The following NDUFS5 variants were observed in gnomAD, a reference collection of about 807,000 sequenced individuals.
NDUFS5 encodes NADH:ubiquinone oxidoreductase subunit S5, also known as NADH dehydrogenase [ubiquinone] iron-sulfur protein 5.
NDUFS5 carries 7 observed loss-of-function variants against 10.5 expected under a neutral mutation model. That is an observed-to-expected ratio of 0.66 (90% CI 0.38 to 1.25). The LOEUF is 1.25. Ranked by LOEUF, NDUFS5 falls within the 50% of genes most tolerant of loss-of-function variation. NDUFS5 has a pLI of 0.02. For missense variants in NDUFS5, 148 were observed against 140.7 expected, an observed-to-expected ratio of 1.05 and a Z score of -0.26; for synonymous variants, 38 against 44.0, an observed-to-expected ratio of 0.86 and a Z score of 0.54.
At chr1:39,026,586 C>T (rs72940832) in intron 1 of NDUFS5, among the ~76,000 whole-genome samples, 184 bp downstream of exon 1, 2,708 of 152,296 alleles carry the variant, frequency 0.018, 78 homozygotes, top group African/African-American at 0.062. Flanking sequence ...TGGAGATTGC[C>T]GCTCTCTCCA....
intron 2 of NDUFS5, among the ~76,000 whole-genome samples, chr1:39,030,954 A>AT (rs1425423446): frequency 1.3e-5 from 2 of 151,688 alleles, no homozygotes; most frequent in South Asian, 4.2e-4. Context: ...CTCACTGCAG[A>AT]TTCAACTTGG....
rs1644215799 is a variant in NDUFS5 at position 39,034,536 on chromosome 1, T to G, written c.*40T>G. ...GATGTCTGGAGGCTGATTTTCCTGT[T>G]CTCTGTTCTCCACTGGAAAGGTTGT... is the stretch of plus-strand genomic sequence containing the variant. On this transcript the variant is annotated 3_prime_UTR_variant, in exon 3 of 3. Coordinates refer to ENST00000372969, the MANE Select transcript of NDUFS5 (RefSeq NM_004552.3). 2.6e-6 allele frequency: 4 copies of G among 1,558,764 alleles called. No homozygotes were observed. The Admixed American group carries it at 5.0e-5, about 20-fold the overall frequency.
chr1:39,032,155 C>A (rs558974694), intron 2 of NDUFS5, among the ~76,000 whole-genome samples: 2 of 152,090 alleles, frequency 1.3e-5, no homozygotes, highest in African/African-American at 4.8e-5. Context: ...AAGAGTGAAA[C>A]TCTGTGTCAA....
In NDUFS5 at chr1:39,028,954, G is replaced by A. The variant is rs1557651530; in HGVS notation, c.216+14G>A. 1 of 1,609,544 alleles carries A rather than the reference G, an allele frequency of 6.2e-7. No homozygotes were observed. The highest frequency in any genetic ancestry group is 1.3e-5 in the African/African-American group (1 of 74,874). ...CGGCAGAAAACGGTAAGGAAATGAT[G>A]GAGGTGGAAGCTGAATTACTTTCTT... On this transcript the variant is annotated intron_variant, in intron 2 of 2. Transcript: ENST00000372969.
At chr1:39,031,640 C>T (rs931823401) in intron 2 of NDUFS5, among the ~76,000 whole-genome samples, 4 of 152,096 alleles carry the variant, frequency 2.6e-5, no homozygotes, top group African/African-American at 7.2e-5. Context: ...GAGCAAGTCA[C>T]TTTCTCTTAG....
At chr1:39,034,248 A>G in intron 2 of NDUFS5, 144 bp from the exon 3 acceptor site, 1 of 680,452 alleles carries the variant, frequency 1.5e-6, no homozygotes, top group Non-Finnish European at 2.6e-6. Flanking sequence ...TTAATTCTTT[A>G]AAGGCGGACT....
chr1:39,026,408 G>T lies in NDUFS5; in HGVS notation c.-3+6G>T, dbSNP rs1122472. 0.7 allele frequency: 106,585 copies of T among 151,968 alleles called. 39,548 individuals are homozygous for T. The highest frequency in any genetic ancestry group is 0.85 in the Non-Finnish European group (57,756 of 68,028). 9.4% of individuals were successfully genotyped at this position (151,968 alleles called of 1,614,324 possible). On this transcript the variant is annotated splice_donor_region_variant and intron_variant, in intron 1 of 2. Coordinates refer to ENST00000372969, the MANE Select transcript of NDUFS5 (RefSeq NM_004552.3). The stretch of plus-strand genomic sequence containing the variant: ...AGGGCACGAGCATCGGGTAGGTAGG[G>T]GCTGCTTATGTCCGCGCGGCAGCTT...
intron 2 of NDUFS5, among the ~76,000 whole-genome samples, chr1:39,033,099 G>C (rs564720348): frequency 1.8e-4 from 28 of 152,270 alleles, no homozygotes; most frequent in African/African-American, 6.7e-4. Context: ...GTTTTGATTT[G>C]TTGAGAAGCA....
At position 39,028,750 on chromosome 1, in the gene NDUFS5, G is replaced by T. The variant is rs1194637289; in HGVS notation, c.26G>T (p.Arg9Met). The change falls in exon 2 of 3, where the codon AGG becomes ATG. Residue 9 changes from arginine to methionine, a missense_variant. Coordinates refer to ENST00000372969, the MANE Select transcript of NDUFS5 (RefSeq NM_004552.3). Reference protein sequence around the residue: MPFLDIQKRFGLNIDRWLT... With the variant: MPFLDIQKMFGLNIDRWLT... ...ATGCCTTTCTTGGACATCCAGAAAA[G>T]GTTCGGCCTTAACATAGATCGATGG... 2.5e-6 allele frequency: 4 copies of T among 1,613,876 alleles called. No individual in the cohort carries two copies. The highest frequency in any genetic ancestry group is 1.3e-5 in the African/African-American group (1 of 74,888).
At chr1:39,029,429 T>C (rs1644175344) in intron 2 of NDUFS5, among the ~76,000 whole-genome samples, 1 of 152,210 alleles carries the variant, frequency 6.6e-6, no homozygotes, top group Admixed American at 6.6e-5. Context: ...CCTTCAGATA[T>C]GAGGATGGTC....
At chr1:39,027,581 G>GTTTTGTTTTTTTTTTTTTT (rs1644158684) in intron 1 of NDUFS5, among the ~76,000 whole-genome samples, 1 of 91,134 alleles carries the variant, frequency 1.1e-5, no homozygotes, top group Non-Finnish European at 2.2e-5. Context: ...TTTCGCTCTG[G>GTTTTGTTTTTTTTTTTTTT]TTTTTTTTTT....
chr1:39,031,033 C>A (rs1644187487), intron 2 of NDUFS5, among the ~76,000 whole-genome samples: 1 of 152,128 alleles, frequency 6.6e-6, no homozygotes, highest in Middle Eastern at 3.4e-3. Context: ...CCACGCCCAG[C>A]TAATTTTTTG....
intron 1 of NDUFS5, among the ~76,000 whole-genome samples, chr1:39,027,787 G>T (rs1644161531): frequency 7.9e-6 from 1 of 126,248 alleles, no homozygotes; most frequent in Non-Finnish European, 1.7e-5. Context: ...CTGACCAAAG[G>T]ATCCAAATTC....
At chr1:39,028,657 A>G in intron 1 of NDUFS5, 66 bp from the exon 2 acceptor site, 1 of 1,428,336 alleles carries the variant, frequency 7.0e-7, no homozygotes, top group South Asian at 1.2e-5. Flanking sequence ...TTTTCTTAGA[A>G]ATTTCTCAGT....
At chr1:39,031,105 G>T (rs184808157) in intron 2 of NDUFS5, among the ~76,000 whole-genome samples, 13 of 152,116 alleles carry the variant, frequency 8.5e-5, no homozygotes, top group African/African-American at 3.1e-4. Context: ...CCTGAGCTCA[G>T]GTGATCTGCC....
At chr1:39,027,458 T>C (rs897905175) in intron 1 of NDUFS5, among the ~76,000 whole-genome samples, 8 of 152,126 alleles carry the variant, frequency 5.3e-5, no homozygotes, top group Non-Finnish European at 8.8e-5. Flanking sequence ...TTTTAGGCAG[T>C]CAGGGTTTGT....
intron 2 of NDUFS5, among the ~76,000 whole-genome samples, chr1:39,030,103 CA>C (rs1042060681): frequency 3.4e-5 from 5 of 145,152 alleles, no homozygotes; most frequent in African/African-American, 1.3e-4. Context: ...AAAAAAAAAC[CA>C]AAAAAACAAA....
intron 2 of NDUFS5, 61 bp from the exon 3 acceptor site, chr1:39,034,331 C>A: frequency 6.6e-7 from 1 of 1,522,472 alleles, no homozygotes; most frequent in South Asian, 1.1e-5. Context: ...TCTGTTTTTC[C>A]AGTTCTCACT....
At chr1:39,031,969 C>G (rs1342675799) in intron 2 of NDUFS5, among the ~76,000 whole-genome samples, 4 of 152,126 alleles carry the variant, frequency 2.6e-5, no homozygotes. Flanking sequence ...CCAGCCTGAC[C>G]AACATGGTGA....
Sources: gnomAD v4.1 joint callset for allele counts (sites outside exome capture counted in the v4.1 genomes callset) on GRCh38, gnomAD v4.1.1 for gene constraint, MANE v1.5 for transcripts, NCBI Gene and HGNC (gene_info 2026-07-23, HGNC 2026-07-21) for gene names.